Variants in PIGF observed in about 807,000 individuals in gnomAD.
The protein encoded by PIGF is GPI ethanolamine phosphate transferase, stabilizing subunit.
A neutral mutation model predicts 26.0 loss-of-function variants in PIGF; 23 were observed. The observed-to-expected ratio is 0.88, with a 90% CI of 0.64 to 1.25. The LOEUF (loss-of-function observed/expected upper bound fraction) is 1.25. Ranked by LOEUF, PIGF falls within the 50% of genes most tolerant of loss-of-function variation. The probability of loss-of-function intolerance (pLI) is 0.00; values close to 1 mark genes in which losing one functional copy is unlikely to be tolerated. For synonymous variants in PIGF, 93 were observed against 92.6 expected, an observed-to-expected ratio of 1.00 and a Z score of -0.03; for missense variants, 278 against 249.9, an observed-to-expected ratio of 1.11 and a Z score of -0.76.
rs1188762961 is a variant in PIGF, at chr2:46,581,405, T to C, written c.*73A>G. The C allele has an allele frequency of 4.5e-6, 7 of 1,553,940 alleles. No individual in the cohort carries two copies. The African/African-American group carries it at 8.2e-5, about 18-fold the overall frequency. On this transcript the variant is annotated 3_prime_UTR_variant, in exon 6 of 6. Coordinates refer to ENST00000281382, the MANE Select transcript of PIGF (RefSeq NM_002643.4). ...AAAACAGAGCTGTAAATGGAACTGC[T>C]TGGCTTTGACCATACACATTTCTGC...
chr2:46,608,586 G>A (rs1670297113), intron 4 of PIGF, among the ~76,000 whole-genome samples: 1 of 152,182 alleles, frequency 6.6e-6, no homozygotes, highest in South Asian at 2.1e-4. Context: ...ATCTATGGCA[G>A]CTATAGCCTT....
At chr2:46,609,115 C>G (rs1464769606) in intron 4 of PIGF, among the ~76,000 whole-genome samples, 1 of 152,220 alleles carries the variant, frequency 6.6e-6, no homozygotes, top group Non-Finnish European at 1.5e-5. Flanking sequence ...ATTTAGCCAC[C>G]TTCACCAACA....
chr2:46,604,253 A>C (rs1328788587), intron 4 of PIGF, among the ~76,000 whole-genome samples: 1 of 152,074 alleles, frequency 6.6e-6, no homozygotes, highest in African/African-American at 2.4e-5. Flanking sequence ...GAACTCTCAC[A>C]TACTGTTGGT....
intron 5 of PIGF, among the ~76,000 whole-genome samples, chr2:46,584,061 G>A (rs1379461157): frequency 6.6e-6 from 1 of 152,076 alleles, no homozygotes; most frequent in African/African-American, 2.4e-5. Context: ...GTTTTGTTAT[G>A]AATTATCTTA....
chr2:46,581,468 T>A lies in PIGF; in HGVS notation c.*10A>T. ...GAATCTGCACAAAGAAATATCTCCCTTTGCTCCAGTTAATTGTTCTTGTAT... is the reference window on the plus strand; with the variant it reads ...GAATCTGCACAAAGAAATATCTCCCATTGCTCCAGTTAATTGTTCTTGTAT... On this transcript the variant is annotated 3_prime_UTR_variant, in exon 6 of 6. Coordinates refer to ENST00000281382, the MANE Select transcript of PIGF (RefSeq NM_002643.4). 6.2e-7 allele frequency: 1 copy of A among 1,609,544 alleles called. No individual in the cohort carries two copies. Among genetic ancestry groups the A allele is most frequent in the Non-Finnish European group, 8.5e-7 (1 of 1,178,460 alleles).
intron 5 of PIGF, among the ~76,000 whole-genome samples, chr2:46,587,856 T>G (rs533576130): frequency 9.5e-4 from 144 of 152,256 alleles, no homozygotes; most frequent in African/African-American, 3.4e-3. Context: ...TGAAATATAA[T>G]AAGTAATTTA....
intron 4 of PIGF, among the ~76,000 whole-genome samples, chr2:46,604,861 T>C (rs1484768701): frequency 1.3e-5 from 2 of 151,964 alleles, no homozygotes; most frequent in African/African-American, 2.4e-5. Flanking sequence ...AAGAGTATAA[T>C]TGGATTGCTT....
At position 46,613,714 on chromosome 2, in the gene PIGF, C is replaced by T; in HGVS notation, c.300G>A (p.Leu100=). The change falls in exon 3 of 6, where the codon CTG becomes CTA. Residue 100 remains leucine (L), a synonymous_variant. Transcript: ENST00000281382. ...SCFSFHVIFV[L]YGAPLIELAL... ...CTTACTCTATCAGTGGTGCTCCATA[C>T]AGAACAAAAATTACATGAAAGGAGA... The T allele has an allele frequency of 9.6e-6, 15 of 1,562,074 alleles. No homozygotes were observed. Among genetic ancestry groups the T allele is most frequent in the Non-Finnish European group, 1.2e-5 (14 of 1,141,906 alleles).
intron 4 of PIGF, among the ~76,000 whole-genome samples, chr2:46,601,282 A>T (rs1273691522): frequency 6.6e-6 from 1 of 152,130 alleles, no homozygotes; most frequent in African/African-American, 2.4e-5. Context: ...AAGTGACTAC[A>T]GCAATGTTAC....
rs1173026837 is a variant in PIGF, at chr2:46,588,249, G to A, written c.546+4226C>T. ...CCTAAATTGGCATAACTAAATACCA[G>A]AGAAATAGATAAATTAACAGTCCAC... On this transcript the variant is annotated intron_variant, in intron 5 of 5. Transcript: ENST00000281382. The surrounding 1 kb of genome is among the most constrained non-coding windows in gnomAD (Gnocchi z 4.1). 1.3e-6 allele frequency: 2 copies of A among 1,580,362 alleles called. No individual in the cohort carries two copies. The highest frequency in any genetic ancestry group is 1.7e-6 in the Non-Finnish European group (2 of 1,165,634).
chr2:46,596,029 A>G (rs537541206), intron 4 of PIGF, among the ~76,000 whole-genome samples: 1 of 152,174 alleles, frequency 6.6e-6, no homozygotes, highest in Non-Finnish European at 1.5e-5. Flanking sequence ...CCTGGCCAAC[A>G]TGATGAAACC....
chr2:46,587,157 T>C (rs1011861514), intron 5 of PIGF, among the ~76,000 whole-genome samples: 1 of 152,218 alleles, frequency 6.6e-6, no homozygotes, highest in Non-Finnish European at 1.5e-5. Context: ...GCTTGAAACA[T>C]ACAAACCATA....
intron 1 of PIGF, chr2:46,615,791 C>T (rs1329991006): frequency 6.6e-6 from 1 of 152,026 alleles, no homozygotes; most frequent in Non-Finnish European, 1.5e-5. Context: ...CAAGGGATCC[C>T]AATGCTTCAG....
At chr2:46,591,472 T>C (rs1669720692) in intron 5 of PIGF, 7 of 740,558 alleles carry the variant, frequency 9.5e-6, no homozygotes, top group South Asian at 6.2e-5. Flanking sequence ...ATTATCTTCA[T>C]GTTGGAAAAA....
chr2:46,581,512 C>G lies in PIGF; in HGVS notation c.626G>C (p.Trp209Ser). 1 of 1,611,326 alleles carries G rather than the reference C, an allele frequency of 6.2e-7. No individual in the cohort carries two copies. The highest frequency in any genetic ancestry group is 8.5e-7 in the Non-Finnish European group (1 of 1,179,538). The change falls in exon 6 of 6, where the codon TGG (tryptophan) becomes TCG (serine). Residue 209 changes from tryptophan (W) to serine (S), a missense_variant. Trp to Ser is a radical substitution (Grantham distance 177). Transcript: ENST00000281382. ...GLVISPLWIY[W>S]NRKQLTYKNN ...CTTGTATGTAAGTTGCTTTCTATTC[C>G]AGTATATCCAGAGTGGTGAAATAAC...
At chr2:46,612,611 A>C (rs913865735) in intron 3 of PIGF, among the ~76,000 whole-genome samples, 6 of 152,154 alleles carry the variant, frequency 3.9e-5, no homozygotes, top group Admixed American at 3.9e-4. Context: ...CTGCAAACAC[A>C]AACAAACAAA....
chr2:46,588,027 C>T lies in PIGF; in HGVS notation c.546+4448G>A. The T allele has an allele frequency of 1.4e-6, 2 of 1,466,700 alleles. No individual in the cohort carries two copies. Among genetic ancestry groups the T allele is most frequent in the Non-Finnish European group, 1.8e-6 (2 of 1,102,854 alleles). 90.9% of individuals were successfully genotyped at this position (1,466,700 alleles called of 1,614,324 possible). On this transcript the variant is annotated intron_variant, in intron 5 of 5. Transcript: ENST00000281382. The surrounding 1 kb of genome is among the most constrained non-coding windows in gnomAD (Gnocchi z 4.1). ...TGCTAAGCAAGATGTGTACTCCTCC[C>T]CTCTCACACTTGGACTTTCTAGTGT...
chr2:46,605,035 A>G (rs1670175095), intron 4 of PIGF, among the ~76,000 whole-genome samples: 1 of 152,094 alleles, frequency 6.6e-6, no homozygotes, highest in African/African-American at 2.4e-5. Flanking sequence ...GTGATTCAAT[A>G]TGAATAATGC....
intron 4 of PIGF, among the ~76,000 whole-genome samples, chr2:46,596,050 TA>T (rs942641103): frequency 1.3e-5 from 2 of 151,760 alleles, no homozygotes; most frequent in African/African-American, 4.8e-5. Flanking sequence ...CCATCTCTAC[TA>T]AAAATACAAA....
Sources: allele counts gnomAD v4.1 joint callset (sites outside exome capture counted in the v4.1 genomes callset), GRCh38; gene constraint gnomAD v4.1.1; non-coding constraint Gnocchi (gnomAD v3.1); transcripts MANE v1.5; gene names NCBI Gene and HGNC (gene_info 2026-07-23, HGNC 2026-07-21).